IQSEC1: variants seen among roughly 807,000 people sequenced by gnomAD.
IQSEC1 encodes the protein IQ motif and Sec7 domain ArfGEF 1.
In IQSEC1, 31 loss-of-function variants were observed where a neutral mutation model predicts 91.0. The ratio of observed to expected loss-of-function variants is 0.34; its 90% CI spans 0.26 to 0.46. The LOEUF is 0.46. IQSEC1 is among the 20% of genes least tolerant of loss of function. The pLI, the probability that IQSEC1 is intolerant of heterozygous loss-of-function variation, is 1.00. For synonymous variants in IQSEC1, 699 were observed against 662.6 expected (o/e 1.05, Z -0.84); for missense variants, 1,388 against 1,575.6 (o/e 0.88, Z 2.02).
chr3:12,902,873 G>T (rs1435193021), intron 12 of IQSEC1, 51 bp from the exon 13 acceptor site: 4 of 1,378,286 alleles, frequency 2.9e-6, no homozygotes, highest in Non-Finnish European at 4.1e-6. Flanking sequence ...GAGGCTGGGG[G>T]TGCTGCCTGC....
intron 4 of IQSEC1, among the ~76,000 whole-genome samples, chr3:12,923,554 C>G (rs924625758): frequency 1.3e-5 from 2 of 152,162 alleles, no homozygotes; most frequent in Non-Finnish European, 2.9e-5. Flanking sequence ...GGGTGTGGGA[C>G]GGGGACTACA....
intron 2 of IQSEC1, among the ~76,000 whole-genome samples, chr3:13,140,990 G>A (rs1045821727): frequency 2.0e-5 from 3 of 152,254 alleles, no homozygotes; most frequent in African/African-American, 7.2e-5. Flanking sequence ...GGGCAGGGCT[G>A]CCGGACCCTC....
chr3:12,908,476 G>A lies in IQSEC1; in HGVS notation c.2628C>T (p.Cys876=). 6.2e-7 allele frequency: 1 copy of A among 1,613,644 alleles called. No individual in the cohort carries two copies. The highest frequency in any genetic ancestry group is 1.7e-4 in the Middle Eastern group (1 of 6,056). ...TGCCCGACTCCTTTTTGAGGCTAGA[G>A]CACTGGGACATGCTGGGCCGCACGA... ...KGVVRPSMSQ[C]SSLKKESGNG... is the part of the protein sequence containing the mutation. The change falls in exon 12 of 14, where the codon TGC becomes TGT. Residue 876 remains cysteine (C), a synonymous_variant. Coordinates refer to ENST00000613206, the MANE Select transcript of IQSEC1 (RefSeq NM_001134382.3). The surrounding 1 kb of genome is among the most constrained non-coding windows in gnomAD (Gnocchi z 4.9).
intron 1 of IQSEC1, among the ~76,000 whole-genome samples, chr3:12,951,275 T>C (rs1243827890): frequency 6.6e-6 from 1 of 152,022 alleles, no homozygotes; most frequent in Non-Finnish European, 1.5e-5. Context: ...ATACAAAAAA[T>C]AGCTGGGTGT....
chr3:13,137,018 T>G lies in IQSEC1; in HGVS notation c.302+27086A>C, dbSNP rs115104944. 6.1e-3 allele frequency among the ~76,000 whole-genome samples: 922 copies of G among 152,208 alleles called. 16 individuals are homozygous for G. The highest frequency in any genetic ancestry group is 0.021 in the African/African-American group (883 of 41,534). ...TGGACATAGTGGCACATGCCTGTGG[T>G]CCCTGTATTCGGGAGGCTGAGGCAG... On this transcript the variant is annotated intron_variant, in intron 2 of 15. Transcript: ENST00000648114.
chr3:13,049,373 TCTCA>T (rs1176205021), intron 1 of IQSEC1, among the ~76,000 whole-genome samples: 1 of 152,206 alleles, frequency 6.6e-6, no homozygotes, highest in African/African-American at 2.4e-5. Flanking sequence ...CCAGCTCTGA[TCTCA>T]CTCTGGCCAC....
At chr3:12,937,011 C>G (rs1698265472) in intron 2 of IQSEC1, among the ~76,000 whole-genome samples, 1 of 151,958 alleles carries the variant, frequency 6.6e-6, no homozygotes, top group African/African-American at 2.4e-5. Context: ...CGGTTCACTG[C>G]AACCTCCGCC....
intron 2 of IQSEC1, among the ~76,000 whole-genome samples, chr3:13,104,344 A>G (rs1325213157): frequency 6.6e-6 from 1 of 152,154 alleles, no homozygotes; most frequent in Admixed American, 6.5e-5. Context: ...CTGGGGTGAC[A>G]AGCCTCCCAG....
chr3:13,146,817 G>A (rs780977594), intron 2 of IQSEC1, among the ~76,000 whole-genome samples: 6 of 152,184 alleles, frequency 3.9e-5, no homozygotes, highest in Non-Finnish European at 7.3e-5. Context: ...CTGGGTGACA[G>A]AGTGAGACTC....
chr3:13,151,008 C>T (rs1706988324), intron 2 of IQSEC1, among the ~76,000 whole-genome samples: 1 of 152,180 alleles, frequency 6.6e-6, no homozygotes, highest in Non-Finnish European at 1.5e-5. Flanking sequence ...TCCTCCTGGG[C>T]CAGGATGGAG....
chr3:13,034,597 G>C (rs1261138650), intron 1 of IQSEC1, among the ~76,000 whole-genome samples: 1 of 152,218 alleles, frequency 6.6e-6, no homozygotes, highest in African/African-American at 2.4e-5. Context: ...GACGGGCTCA[G>C]TGAGGATCTG....
chr3:13,235,883 T>C (rs1312656067), intron 1 of IQSEC1, among the ~76,000 whole-genome samples: 1 of 152,164 alleles, frequency 6.6e-6, no homozygotes, highest in South Asian at 2.1e-4. Context: ...CCGTTCCCTG[T>C]AGCCACCAGC....
At chr3:13,182,276 T>C (rs1244771778) in intron 1 of IQSEC1, among the ~76,000 whole-genome samples, 1 of 152,226 alleles carries the variant, frequency 6.6e-6, no homozygotes, top group African/African-American at 2.4e-5. Context: ...GATGCTCCCA[T>C]CTGTGAGCAT....
At chr3:12,949,870 G>C (rs554018364) in intron 1 of IQSEC1, among the ~76,000 whole-genome samples, 1 of 152,228 alleles carries the variant, frequency 6.6e-6, no homozygotes, top group Non-Finnish European at 1.5e-5. Context: ...CTGGTGCAGA[G>C]AGAACAGGCA....
intron 1 of IQSEC1, among the ~76,000 whole-genome samples, chr3:13,043,564 T>C (rs1309651790): frequency 1.3e-5 from 2 of 152,172 alleles, no homozygotes; most frequent in Non-Finnish European, 2.9e-5. Flanking sequence ...TCAGCCCCCT[T>C]CAGCCACTAC....
At chr3:13,075,284 C>T (rs1054198136), upstream of IQSEC1, among the ~76,000 whole-genome samples, 10 of 152,190 alleles carry the variant, frequency 6.6e-5, no homozygotes, top group South Asian at 2.1e-4. Flanking sequence ...AAGCGCCCTA[C>T]GAAGTGAACA....
At chr3:12,917,311 G>C (rs1696191351) in intron 6 of IQSEC1, among the ~76,000 whole-genome samples, 1 of 152,130 alleles carries the variant, frequency 6.6e-6, no homozygotes, top group African/African-American at 2.4e-5. Flanking sequence ...CTGTGGGTTT[G>C]GGCAAACGTA....
intron 1 of IQSEC1, among the ~76,000 whole-genome samples, chr3:13,223,973 T>C (rs1176622780): frequency 6.6e-6 from 1 of 152,152 alleles, no homozygotes; most frequent in Non-Finnish European, 1.5e-5. Context: ...AGCCAGGCTC[T>C]GAGCCAGGGG....
chr3:12,984,603 T>C (rs112098464), intron 1 of IQSEC1, among the ~76,000 whole-genome samples: 1 of 152,214 alleles, frequency 6.6e-6, no homozygotes, highest in African/African-American at 2.4e-5. Flanking sequence ...CTAAGGGCCA[T>C]GCATGCACGA....
Sources: gnomAD v4.1 joint callset for allele counts (sites outside exome capture counted in the v4.1 genomes callset) on GRCh38, gnomAD v4.1.1 for gene constraint, Gnocchi (gnomAD v3.1) non-coding constraint, MANE v1.5 for transcripts, NCBI Gene and HGNC (gene_info 2026-07-23, HGNC 2026-07-21) for gene names.